Variants in DCP2 observed in about 807,000 individuals in gnomAD.
DCP2 encodes the protein decapping mRNA 2, also known as m7GpppN-mRNA hydrolase.
A neutral mutation model predicts 56.1 loss-of-function variants in DCP2; 30 were observed. The observed-to-expected ratio is 0.53, with a 90% CI of 0.40 to 0.73. The LOEUF (loss-of-function observed/expected upper bound fraction) is 0.73. Ranked by LOEUF, DCP2 falls within the 30% of genes least tolerant of loss-of-function variation. DCP2 has a pLI of 0.00. For synonymous variants in DCP2, 197 were observed against 163.3 expected (o/e 1.21, Z -1.57); for missense variants, 533 against 502.7 (o/e 1.06, Z -0.58).
rs1429957777 is a variant in DCP2 at position 113,017,002 on chromosome 5, C to G, written c.*3518C>G. ...GATTACAGGCATGCGCCACCACGCC[C>G]TGCTAATTCTGTCTTTTTAGTAGAG... On this transcript the variant is annotated 3_prime_UTR_variant, in exon 11 of 11. Coordinates refer to ENST00000389063, the MANE Select transcript of DCP2 (RefSeq NM_152624.6). The G allele has an allele frequency of 6.6e-6, 1 of 152,148 alleles. No individual in the cohort carries two copies. Among genetic ancestry groups the G allele is most frequent in the African/African-American group, 2.4e-5 (1 of 41,388 alleles). The allele number at this position is 152,148 out of a possible 1,614,324, so 9.4% of individuals were successfully genotyped here. A position where few individuals can be genotyped will look rare whatever the true frequency, so the allele number is the denominator to read the frequency against.
chr5:113,001,525 C>A (rs1580821629), intron 6 of DCP2, 42 bp from the exon 7 acceptor site: 1 of 1,607,856 alleles, frequency 6.2e-7, no homozygotes, highest in Non-Finnish European at 8.5e-7. Flanking sequence ...CATCTTCTGT[C>A]TGTAGCCATA....
intron 2 of DCP2, among the ~76,000 whole-genome samples, chr5:112,990,835 G>A (rs1231572432): frequency 1.3e-5 from 2 of 151,982 alleles, no homozygotes; most frequent in East Asian, 1.9e-4. Flanking sequence ...TTAAATTACA[G>A]AATTGTAGAA....
chr5:113,005,626 A>G (rs894929696), intron 8 of DCP2, among the ~76,000 whole-genome samples: 8 of 152,238 alleles, frequency 5.3e-5, no homozygotes, highest in African/African-American at 1.7e-4. Context: ...CAGAGTTACC[A>G]TGTGACTCAG....
At position 112,993,890 on chromosome 5, in the gene DCP2, A is replaced by G. The variant is rs189829165; in HGVS notation, c.432+1120A>G. On this transcript the variant is annotated intron_variant, in intron 4 of 10. Transcript: ENST00000389063. ...TGTGTTTATAAATATGAACACATAC[A>G]CATACAATTATTTTTGGTGTAGGAT... is the stretch of plus-strand genomic sequence containing the variant. Among the ~76,000 whole-genome samples, 9 of 151,828 alleles carry G rather than the reference A, an allele frequency of 5.9e-5. No homozygotes were observed. In the East Asian group the frequency reaches 1.7e-3, roughly 29 times the overall value.
At chr5:113,008,215 T>C (rs1299846678) in intron 9 of DCP2, 173 bp downstream of exon 9, 1 of 517,572 alleles carries the variant, frequency 1.9e-6, no homozygotes. Flanking sequence ...CTCTGGCTGC[T>C]CTTAATTACA....
chr5:112,999,616 C>T (rs574127294), intron 4 of DCP2, among the ~76,000 whole-genome samples: 32 of 150,220 alleles, frequency 2.1e-4, no homozygotes, highest in Admixed American at 1.7e-3. Flanking sequence ...CGTGAGCCAT[C>T]GCACCCAGCC....
At chr5:112,999,260 C>T (rs540976827) in intron 4 of DCP2, among the ~76,000 whole-genome samples, 1 of 152,080 alleles carries the variant, frequency 6.6e-6, no homozygotes, top group African/African-American at 2.4e-5. Context: ...ATTCAAAGAG[C>T]AGAGCTAAAG....
Position 113,020,376 on chromosome 5 carries a change from T to C in DCP2, c.*6892T>C, listed in dbSNP as rs1180439441. On this transcript the variant is annotated 3_prime_UTR_variant, in exon 11 of 11. Transcript: ENST00000389063. ...TTAATGCTTGGAGAAAGACTATAAGTGAATCTACTTCAAGGGATTCTGTTC... is the reference window on the plus strand; with the variant it reads ...TTAATGCTTGGAGAAAGACTATAAGCGAATCTACTTCAAGGGATTCTGTTC... The C allele has an allele frequency of 6.6e-6, 1 of 151,898 alleles. No homozygotes were observed. Among genetic ancestry groups the C allele is most frequent in the Non-Finnish European group, 1.5e-5 (1 of 67,964 alleles). The allele number at this position is 151,898 out of a possible 1,614,324, so 9.4% of individuals were successfully genotyped here. A position where few individuals can be genotyped will look rare whatever the true frequency, so the allele number is the denominator to read the frequency against.
rs1415057121 is a variant in DCP2 at position 113,021,442 on chromosome 5, A to G, written c.*7958A>G. 1.3e-5 allele frequency among the ~76,000 whole-genome samples: 2 copies of G among 151,786 alleles called. No homozygotes were observed. Among genetic ancestry groups the G allele is most frequent in the African/African-American group, 4.8e-5 (2 of 41,298 alleles). On this transcript the variant is annotated 3_prime_UTR_variant, in exon 11 of 11. Coordinates refer to ENST00000389063, the MANE Select transcript of DCP2 (RefSeq NM_152624.6). ...AATATTGTCGAGAGTCTCTGCAAAA[A>G]TGAAAATACCTCAAACAATTAAGTT...
At chr5:113,013,189 C>G in intron 10 of DCP2, 132 bp from the exon 11 acceptor site, 1 of 828,750 alleles carries the variant, frequency 1.2e-6, no homozygotes, top group African/African-American at 1.7e-5. Flanking sequence ...TTTGGTGGTT[C>G]TGTTTAGGGT....
chr5:113,000,550 G>A lies in DCP2; in HGVS notation c.433-534G>A, dbSNP rs145284714. On this transcript the variant is annotated intron_variant, in intron 4 of 10. Transcript: ENST00000389063. ...TTAATTGTTAAAATTATAAATCCAA[G>A]CCATCGAGATTAATTTATTAATCAA... 4.0e-4 allele frequency among the ~76,000 whole-genome samples: 61 copies of A among 152,170 alleles called. No individual in the cohort carries two copies. The East Asian group carries it at 9.8e-3, about 25-fold the overall frequency.
chr5:112,997,405 G>A (rs766341169), intron 4 of DCP2, among the ~76,000 whole-genome samples: 6 of 152,004 alleles, frequency 3.9e-5, no homozygotes, highest in Non-Finnish European at 8.8e-5. Flanking sequence ...TTAATATATC[G>A]TTCCTTATTA....
At chr5:113,009,793 T>C (rs182174004) in intron 9 of DCP2, among the ~76,000 whole-genome samples, 8 of 152,320 alleles carry the variant, frequency 5.3e-5, no homozygotes, top group African/African-American at 1.9e-4. Flanking sequence ...GTACATATGA[T>C]ATAATTCCAT....
At chr5:112,985,756 G>T in intron 1 of DCP2, 79 bp from the exon 2 acceptor site, 2 of 1,520,942 alleles carry the variant, frequency 1.3e-6, no homozygotes, top group Non-Finnish European at 9.0e-7. Flanking sequence ...GGTGGGTCAG[G>T]TATGAAGCAC....
In DCP2 at chr5:113,001,406, T is replaced by C. The variant is rs756878494; in HGVS notation, c.635T>C (p.Met212Thr). Residue 212 changes from methionine (M) to threonine (T), a missense_variant, in exon 6 of 11, where the codon ATG becomes ACG. This residue lies in a region of DCP2 where 392 missense variants were observed against 346.6 expected (regional missense o/e 1.13). Coordinates refer to ENST00000389063, the MANE Select transcript of DCP2 (RefSeq NM_152624.6). ...AAATTGCCTTGTCATAGAAATGATA[T>C]GACCCCCAAATCCAAACTTGGTTTG... Reference protein sequence around the residue: ...IEKLPCHRNDMTPKSKLGLAP... With the variant: ...IEKLPCHRNDTTPKSKLGLAP... 4 of 1,614,058 alleles carry C rather than the reference T, an allele frequency of 2.5e-6. No homozygotes were observed. In the Admixed American group the frequency reaches 6.7e-5, roughly 27 times the overall value.
In DCP2 at chr5:112,981,895, C is replaced by T. The variant is rs1252417061; in HGVS notation, c.54-3940C>T. 4.6e-5 allele frequency among the ~76,000 whole-genome samples: 7 copies of T among 152,212 alleles called. No homozygotes were observed. The East Asian group carries it at 1.2e-3, about 25-fold the overall frequency. On this transcript the variant is annotated intron_variant, in intron 1 of 10. Transcript: ENST00000389063. ...AAGCGATTCTCCTGCCTCATCCTCC[C>T]GAGTAGCTGGGATTACAGGCACCCT...
At chr5:112,986,982 G>A (rs1002055956) in intron 2 of DCP2, among the ~76,000 whole-genome samples, 11 of 152,132 alleles carry the variant, frequency 7.2e-5, no homozygotes, top group African/African-American at 1.2e-4. Context: ...CAGCCTGGAC[G>A]GCAGAGTGAG....
chr5:112,997,080 C>G lies in DCP2; in HGVS notation c.433-4004C>G, dbSNP rs114020169. The stretch of plus-strand genomic sequence containing the variant: ...CCTTATCATGCTAACTGAAACTGGT[C>G]TGTTTTGGGATTTGGCTATTAGCTC... On this transcript the variant is annotated intron_variant, in intron 4 of 10. Coordinates refer to ENST00000389063, the MANE Select transcript of DCP2 (RefSeq NM_152624.6). Among the ~76,000 whole-genome samples the G allele has an allele frequency of 2.0e-3, 304 of 152,254 alleles. 6 individuals carry two copies. The highest frequency in any genetic ancestry group is 6.9e-3 in the African/African-American group (287 of 41,556).
chr5:113,017,250 G>C lies in DCP2; in HGVS notation c.*3766G>C, dbSNP rs1749926696. ...TTTGACTTGGATTATTTTCTAGCCT[G>C]GGGGATGGGGTTCATATGTGTTGTT... is the stretch of plus-strand genomic sequence containing the variant. On this transcript the variant is annotated 3_prime_UTR_variant, in exon 11 of 11. Transcript: ENST00000389063. 6.6e-6 allele frequency: 1 copy of C among 152,130 alleles called. No individual in the cohort carries two copies. The highest frequency in any genetic ancestry group is 1.5e-5 in the Non-Finnish European group (1 of 68,016). The allele number at this position is 152,130 out of a possible 1,614,324, so 9.4% of individuals were successfully genotyped here. A position where few individuals can be genotyped will look rare whatever the true frequency, so the allele number is the denominator to read the frequency against.
Sources: gnomAD v4.1 joint callset for allele counts (sites outside exome capture counted in the v4.1 genomes callset) on GRCh38, gnomAD v4.1.1 for gene constraint, gnomAD v4.1.1 regional missense constraint, MANE v1.5 for transcripts, NCBI Gene and HGNC (gene_info 2026-07-23, HGNC 2026-07-21) for gene names.